Variants in KISS1R observed in about 807,000 individuals in gnomAD.
KISS1R encodes KISS1 receptor.
In KISS1R, 19 loss-of-function variants were observed where a neutral mutation model predicts 22.0. The ratio of observed to expected loss-of-function variants is 0.86; its 90% CI spans 0.60 to 1.26. The LOEUF (loss-of-function observed/expected upper bound fraction) is 1.26, where lower values mean the gene tolerates loss of function less well. Among genes scored for constraint, KISS1R ranks in the 50% most tolerant of loss-of-function variants. The pLI is 0.00. For synonymous variants in KISS1R, 302 were observed against 283.9 expected (o/e 1.06, Z -0.64); for missense variants, 653 against 581.9 (o/e 1.12, Z -1.26).
At chr19:917,833 G>C in intron 1 of KISS1R, 87 bp downstream of exon 1, 2 of 1,448,194 alleles carry the variant, frequency 1.4e-6, no homozygotes, top group Non-Finnish European at 1.8e-6. Context: ...CGACGCATCG[G>C]GGCCCTCTCG....
chr19:917,619 C>T lies in KISS1R; in HGVS notation c.117C>T (p.Ala39=). 4 of 1,575,322 alleles carry T rather than the reference C, an allele frequency of 2.5e-6. No individual in the cohort carries two copies. Among genetic ancestry groups the T allele is most frequent in the South Asian group, 1.2e-5 (1 of 86,854 alleles). The part of the protein sequence containing the change: ...ASDGPVPSPR[A]VDAWLVPLFF... The stretch of plus-strand genomic sequence containing the variant: ...ACGGCCCAGTCCCTTCGCCGCGGGC[C>T]GTGGACGCCTGGCTCGTGCCGCTCT... The change falls in exon 1 of 5, where the codon GCC becomes GCT. Residue 39 remains alanine (A), a synonymous_variant. Coordinates refer to ENST00000234371, the MANE Select transcript of KISS1R (RefSeq NM_032551.5).
chr19:917,360 G>A lies in KISS1R; in HGVS notation c.-143G>A. 2.1e-6 allele frequency: 2 copies of A among 970,340 alleles called. No homozygotes were observed. Among genetic ancestry groups the A allele is most frequent in the African/African-American group, 1.7e-5 (1 of 57,946 alleles). 60.1% of individuals were successfully genotyped at this position (970,340 alleles called of 1,614,324 possible). On this transcript the variant is annotated 5_prime_UTR_variant, in exon 1 of 5. Transcript: ENST00000234371. ...AGGAGCCGCCGAGCCCAGCACAGCT[G>A]CCCTCTGGACCCTGCGGACCCCAGC...
chr19:918,470 T>G (rs558971578), intron 1 of KISS1R, 74 bp from the exon 2 acceptor site: 9 of 1,500,512 alleles, frequency 6.0e-6, no homozygotes, highest in Non-Finnish European at 8.0e-6. Context: ...GGGCCAGGGG[T>G]CAGGGCCAGG....
chr19:919,585 GC>G lies in KISS1R; in HGVS notation c.469del (p.Arg157AlafsTer12), dbSNP rs1568348093. The part of the protein sequence containing the change: ...FPLRALHRRT[P>X]RLALAVSLSI... Reference sequence around the variant, plus strand: ...CGTTGCGCGCCCTGCACCGCCGCACGCCCCGCCTGGCGCTGGCTGTCAGCCT... The same window carrying G: ...CGTTGCGCGCCCTGCACCGCCGCACGCCCGCCTGGCGCTGGCTGTCAGCCT... On this transcript the variant is annotated frameshift_variant, in exon 3 of 5. Coordinates refer to ENST00000234371, the MANE Select transcript of KISS1R (RefSeq NM_032551.5). LOFTEE classifies it high-confidence loss of function. 2 of 1,550,678 alleles carry G rather than the reference GC, an allele frequency of 1.3e-6. No individual in the cohort carries two copies.
rs2037097821 is a variant in KISS1R, at chr19:919,700, G to C, written c.505+75G>C. On this transcript the variant is annotated intron_variant, in intron 3 of 4. Transcript: ENST00000234371. ...CCCTGGGCGCCCGGAGCCACCTGCC[G>C]CCTCGGTCCAGCATCTGGAAAATGG... 3.3e-6 allele frequency: 5 copies of C among 1,531,178 alleles called. No individual in the cohort carries two copies. In the Admixed American group the frequency reaches 9.8e-5, roughly 30 times the overall value. 94.8% of individuals were successfully genotyped at this position (1,531,178 alleles called of 1,614,324 possible).
chr19:920,185 T>C, intron 4 of KISS1R, 79 bp downstream of exon 4: 2 of 1,487,660 alleles, frequency 1.3e-6, no homozygotes, highest in Non-Finnish European at 1.8e-6. Flanking sequence ...TGGGGGCATC[T>C]GCGCGGGCAG....
Position 920,535 on chromosome 19 carries a change from G to GCGCGCACA in KISS1R, c.985_986insGCGCACAC (p.His329ArgfsTer99). 6.3e-7 allele frequency: 1 copy of GCGCGCACA among 1,596,556 alleles called. No homozygotes were observed. The highest frequency in any genetic ancestry group is 1.1e-5 in the South Asian group (1 of 88,964). ...CGCTGCTCTACGCCTTCCTGGGCTC[G>GCGCGCACA]CACTTCCGACAGGCCTTCCGCCGCG... On this transcript the variant is annotated frameshift_variant, in exon 5 of 5. Coordinates refer to ENST00000234371, the MANE Select transcript of KISS1R (RefSeq NM_032551.5). LOFTEE classifies it low-confidence loss of function (END_TRUNC).
At chr19:919,349 C>A (rs1235357537) in intron 2 of KISS1R, 141 bp from the exon 3 acceptor site, 1 of 1,236,812 alleles carries the variant, frequency 8.1e-7, no homozygotes, top group East Asian at 2.5e-5. Flanking sequence ...GTCCCCTCAA[C>A]CCGCACTGGA....
rs1438917472 is a variant in KISS1R, at chr19:917,461, G to A, written c.-42G>A. 4.3e-6 allele frequency: 6 copies of A among 1,408,782 alleles called. No homozygotes were observed. Among genetic ancestry groups the A allele is most frequent in the East Asian group, 5.8e-5 (2 of 34,500 alleles). The allele number at this position is 1,408,782 out of a possible 1,614,324, so 87.3% of individuals were successfully genotyped here. ...GGGGTCCCCGGGGCGGTGCCAGGGCGCAATCCTGGAGGGCGGCCGGGAGGA... is the reference window on the plus strand; with the variant it reads ...GGGGTCCCCGGGGCGGTGCCAGGGCACAATCCTGGAGGGCGGCCGGGAGGA... On this transcript the variant is annotated 5_prime_UTR_variant, in exon 1 of 5. Transcript: ENST00000234371.
rs1268401717 is a variant in KISS1R, at chr19:920,650, G to C, written c.1099G>C (p.Gly367Arg). ...CCCACACGCGGAGCTGCTCCGCCTG[G>C]GGTCCCACCCGGCCCCCGCCAGGGC... ...AAPHAELLRL[G>R]SHPAPARAQK... The change falls in exon 5 of 5, where the codon GGG (glycine) becomes CGG (arginine). Residue 367 changes from glycine (G) to arginine (R), a missense_variant. Gly to Arg is a moderately radical substitution (Grantham distance 125). Coordinates refer to ENST00000234371, the MANE Select transcript of KISS1R (RefSeq NM_032551.5). 4 of 1,312,450 alleles carry C rather than the reference G, an allele frequency of 3.0e-6. No individual in the cohort carries two copies. The highest frequency in any genetic ancestry group is 3.9e-6 in the Non-Finnish European group (4 of 1,037,520). The allele number at this position is 1,312,450 out of a possible 1,614,324, so 81.3% of individuals were successfully genotyped here. A position where few individuals can be genotyped will look rare whatever the true frequency, so the allele number is the denominator to read the frequency against.
chr19:920,892 C>A lies in KISS1R; in HGVS notation c.*144C>A. ...TCTCTTGTGACGTTCGGTGCAGTTT[C>A]GTTGTGAAGTTTGCTATTGATATTG... is the stretch of plus-strand genomic sequence containing the variant. On this transcript the variant is annotated 3_prime_UTR_variant, in exon 5 of 5. Coordinates refer to ENST00000234371, the MANE Select transcript of KISS1R (RefSeq NM_032551.5). The A allele has an allele frequency of 1.0e-6, 1 of 977,820 alleles. No homozygotes were observed. The highest frequency in any genetic ancestry group is 1.3e-6 in the Non-Finnish European group (1 of 759,142). 60.6% of individuals were successfully genotyped at this position (977,820 alleles called of 1,614,324 possible).
intron 4 of KISS1R, 29 bp from the exon 5 acceptor site, chr19:920,261 G>C (rs1223533500): frequency 6.4e-7 from 1 of 1,560,626 alleles, no homozygotes. Context: ...CCAGCCTTTC[G>C]TCTAACCACC....
chr19:920,391 G>C lies in KISS1R; in HGVS notation c.840G>C (p.Gln280His). 6.3e-7 allele frequency: 1 copy of C among 1,598,162 alleles called. No individual in the cohort carries two copies. Among genetic ancestry groups the C allele is most frequent in the Non-Finnish European group, 8.5e-7 (1 of 1,176,192 alleles). Residue 280 changes from glutamine (Q) to histidine (H), a missense_variant, in exon 5 of 5, where the codon CAG becomes CAC. Physicochemically the swap from Gln to His is conservative, Grantham distance 24. Transcript: ENST00000234371. ...LLFAACWGPIQLFLVLQALGP... is the reference protein window; with the variant it reads ...LLFAACWGPIHLFLVLQALGP... ...TCGCCGCCTGCTGGGGCCCCATCCA[G>C]CTGTTCCTGGTGCTGCAGGCGCTGG...
Position 920,332 on chromosome 19 carries a change from G to T in KISS1R, c.781G>T (p.Val261Phe). The T allele has an allele frequency of 6.4e-7, 1 of 1,563,928 alleles. No individual in the cohort carries two copies. Among genetic ancestry groups the T allele is most frequent in the South Asian group, 1.2e-5 (1 of 86,364 alleles). The change falls in exon 5 of 5, where the codon GTC becomes TTC. Residue 261 changes from valine (V) to phenylalanine (F), a missense_variant. Physicochemically the swap from Val to Phe is conservative, Grantham distance 50. Coordinates refer to ENST00000234371, the MANE Select transcript of KISS1R (RefSeq NM_032551.5). Reference protein sequence around the residue: ...AERAGAVRAKVSRLVAAVVLL... With the variant: ...AERAGAVRAKFSRLVAAVVLL... ...GCGCGCAGGCGCCGTGCGGGCCAAGGTCTCGCGGCTGGTGGCGGCCGTGGT... is the reference window on the plus strand; with the variant it reads ...GCGCGCAGGCGCCGTGCGGGCCAAGTTCTCGCGGCTGGTGGCGGCCGTGGT...
chr19:920,117 T>A lies in KISS1R; in HGVS notation c.738+11T>A, dbSNP rs1212593872. 2.7e-6 allele frequency: 4 copies of A among 1,490,818 alleles called. No homozygotes were observed. In the East Asian group the frequency reaches 1.0e-4, roughly 38 times the overall value. The allele number at this position is 1,490,818 out of a possible 1,614,324, so 92.3% of individuals were successfully genotyped here. A position where few individuals can be genotyped will look rare whatever the true frequency, so the allele number is the denominator to read the frequency against. ...GATAGCGCCCTGCAGGTGCGCGGCG[T>A]GGGTGGGAGGACAGCAAGGCTGGGC... On this transcript the variant is annotated intron_variant, in intron 4 of 4. Coordinates refer to ENST00000234371, the MANE Select transcript of KISS1R (RefSeq NM_032551.5).
rs2037114932 is a variant in KISS1R at position 920,715 on chromosome 19, G to A, written c.1164G>A (p.Leu388=). ...PGSSGLAARG[L]CVLGEDNAPL is the part of the protein sequence containing the mutation. ...GCAGTGGGCTGGCCGCGCGCGGGCT[G>A]TGCGTCCTGGGGGAGGACAACGCCC... Residue 388 remains leucine, a synonymous_variant, in exon 5 of 5, where the codon CTG becomes CTA. Coordinates refer to ENST00000234371, the MANE Select transcript of KISS1R (RefSeq NM_032551.5). 3 of 1,305,346 alleles carry A rather than the reference G, an allele frequency of 2.3e-6. No individual in the cohort carries two copies. The South Asian group carries it at 8.1e-5, about 35-fold the overall frequency. 80.9% of individuals were successfully genotyped at this position (1,305,346 alleles called of 1,614,324 possible). A position where few individuals can be genotyped will look rare whatever the true frequency, so the allele number is the denominator to read the frequency against.
rs887601082 is a variant in KISS1R, at chr19:917,743, A to C, written c.241A>C (p.Ile81Leu). 1.9e-6 allele frequency: 3 copies of C among 1,603,602 alleles called. No homozygotes were observed. Among genetic ancestry groups the C allele is most frequent in the African/African-American group, 2.7e-5 (2 of 74,466 alleles). ...GATGCGGACCGTGACCAACTTCTAC[A>C]TCGGTGAGTGCGGGCGCTGCGCCGC... Reference protein sequence around the residue: ...KPMRTVTNFYIANLAATDVTF... With the variant: ...KPMRTVTNFYLANLAATDVTF... Residue 81 changes from isoleucine to leucine, a missense_variant, in exon 1 of 5, where the codon ATC becomes CTC. Transcript: ENST00000234371.
chr19:917,510 C>A lies in KISS1R; in HGVS notation c.8C>A (p.Thr3Asn). 6.7e-7 allele frequency: 1 copy of A among 1,489,400 alleles called. No individual in the cohort carries two copies. Among genetic ancestry groups the A allele is most frequent in the South Asian group, 1.3e-5 (1 of 77,498 alleles). 92.3% of individuals were successfully genotyped at this position (1,489,400 alleles called of 1,614,324 possible). Residue 3 changes from threonine (T) to asparagine (N), a missense_variant, in exon 1 of 5, where the codon ACC (threonine) becomes AAC (asparagine). Thr to Asn is a moderately conservative substitution (Grantham distance 65). Transcript: ENST00000234371. Reference sequence around the variant, plus strand: ...GAGGAGGTGCGCGCGGCCATGCACACCGTGGCTACGTCCGGACCCAACGCG... The same window carrying A: ...GAGGAGGTGCGCGCGGCCATGCACAACGTGGCTACGTCCGGACCCAACGCG... Reference protein sequence around the residue: MHTVATSGPNASW... With the variant: MHNVATSGPNASW...
At chr19:920,163 G>T (rs2037104271) in intron 4 of KISS1R, 57 bp downstream of exon 4, 5 of 1,476,892 alleles carry the variant, frequency 3.4e-6, no homozygotes, top group Non-Finnish European at 4.5e-6. Context: ...GCACCGTGGT[G>T]GGAGGCGCCG....
Sources: gnomAD v4.1 joint callset for allele counts on GRCh38, gnomAD v4.1.1 for gene constraint, MANE v1.5 for transcripts, NCBI Gene and HGNC (gene_info 2026-07-23, HGNC 2026-07-21) for gene names.